Variants in FBLN1 observed in about 807,000 individuals in gnomAD.
FBLN1 encodes the protein fibulin-1.
Under a neutral mutation model 89.7 loss-of-function variants are expected in FBLN1, and 34 were observed. The observed-to-expected ratio is 0.38, with a 90% CI of 0.29 to 0.50. The LOEUF (loss-of-function observed/expected upper bound fraction) is 0.50. Ranked by LOEUF, FBLN1 falls within the 20% of genes least tolerant of loss-of-function variation. The pLI, the probability that FBLN1 is intolerant of heterozygous loss-of-function variation, is 0.92. For missense variants in FBLN1, 777 were observed against 988.1 expected, an observed-to-expected ratio of 0.79 and a Z score of 2.86; for synonymous variants, 393 against 391.3, an observed-to-expected ratio of 1.00 and a Z score of -0.05.
intron 16 of FBLN1, among the ~76,000 whole-genome samples, chr22:45,592,732 G>GTTT (rs2089149638): frequency 1.3e-5 from 2 of 152,022 alleles, no homozygotes; most frequent in African/African-American, 4.8e-5. Flanking sequence ...GCCTGGTGAT[G>GTTT]GTTTGCTTCT....
chr22:45,567,163 G>C (rs1414450819), intron 14 of FBLN1, among the ~76,000 whole-genome samples: 2 of 152,240 alleles, frequency 1.3e-5, no homozygotes, highest in Non-Finnish European at 2.9e-5. Flanking sequence ...GCAAATACGG[G>C]GGAGAGGCAG....
chr22:45,507,052 G>A (rs1335220901), intron 1 of FBLN1, among the ~76,000 whole-genome samples: 2 of 152,130 alleles, frequency 1.3e-5, no homozygotes, highest in Non-Finnish European at 2.9e-5. Context: ...TGGGAGGGGG[G>A]AACCACTGTG....
chr22:45,587,002 G>A (rs978358228), intron 16 of FBLN1, among the ~76,000 whole-genome samples: 3 of 152,130 alleles, frequency 2.0e-5, no homozygotes, highest in African/African-American at 7.2e-5. Context: ...GTGAGCTTCT[G>A]GGGGACTCCT....
intron 14 of FBLN1, among the ~76,000 whole-genome samples, chr22:45,569,806 G>T (rs2088935670): frequency 6.6e-6 from 1 of 152,124 alleles, no homozygotes; most frequent in South Asian, 2.1e-4. Flanking sequence ...CTTGATCTTG[G>T]ACTTTCAGCC....
At chr22:45,528,825 G>T (rs895992690) in intron 4 of FBLN1, among the ~76,000 whole-genome samples, 11 of 152,190 alleles carry the variant, frequency 7.2e-5, no homozygotes, top group Admixed American at 6.5e-4. Context: ...AGCCATTCAT[G>T]TTTGTGACCT....
chr22:45,541,812 G>T (rs73892712), intron 9 of FBLN1, among the ~76,000 whole-genome samples: 4 of 152,280 alleles, frequency 2.6e-5, no homozygotes, highest in African/African-American at 9.6e-5. Flanking sequence ...CTGCTCCTAC[G>T]TTCCTTTGGA....
intron 14 of FBLN1, among the ~76,000 whole-genome samples, chr22:45,553,467 T>C (rs913663691): frequency 6.6e-6 from 1 of 152,222 alleles, no homozygotes; most frequent in Non-Finnish European, 1.5e-5. Context: ...CTAGACACAC[T>C]GGCTAAAAGG....
At chr22:45,568,453 C>T (rs1186977054) in intron 14 of FBLN1, among the ~76,000 whole-genome samples, 2 of 147,334 alleles carry the variant, frequency 1.4e-5, no homozygotes. Flanking sequence ...GGGAGTGCTC[C>T]TTCTGTAGGG....
At position 45,580,316 on chromosome 22, in the gene FBLN1, C is replaced by T. The variant is rs562172529; in HGVS notation, c.1972+3208C>T. ...GCAGCCCCGTGCAGCTCTGTGCTGCCTGCAGCACACGGCAGGGAACGCCGC... is the reference window on the plus strand; with the variant it reads ...GCAGCCCCGTGCAGCTCTGTGCTGCTTGCAGCACACGGCAGGGAACGCCGC... On this transcript the variant is annotated intron_variant, in intron 16 of 16. Transcript: ENST00000327858. The surrounding 1 kb of genome is among the most constrained non-coding windows in gnomAD (Gnocchi z 8.6). Among the ~76,000 whole-genome samples the T allele has an allele frequency of 6.6e-6, 1 of 152,136 alleles. No individual in the cohort carries two copies. The highest frequency in any genetic ancestry group is 1.5e-5 in the Non-Finnish European group (1 of 68,032).
Position 45,547,195 on chromosome 22 carries a change from A to G in FBLN1, c.1432A>G (p.Thr478Ala), listed in dbSNP as rs777139607. The change falls in exon 12 of 17, where the codon ACC (threonine) becomes GCC (alanine). Residue 478 changes from threonine to alanine, a missense_variant. Transcript: ENST00000327858. ...GYQLSDVDGV[T>A]CEDIDECALP... ...CCAGCTCAGCGATGTGGATGGAGTC[A>G]CCTGTGAAGGTGCGGACGCCCCTGC... The G allele has an allele frequency of 1.9e-6, 3 of 1,613,772 alleles. No individual in the cohort carries two copies. Among genetic ancestry groups the G allele is most frequent in the Non-Finnish European group, 2.5e-6 (3 of 1,179,980 alleles).
intron 12 of FBLN1, 127 bp from the exon 13 acceptor site, chr22:45,548,486 T>C: frequency 7.8e-7 from 1 of 1,281,362 alleles, no homozygotes; most frequent in East Asian, 2.5e-5. Context: ...TGAGGCTTCC[T>C]GTGTTCAGCT....
Position 45,577,264 on chromosome 22 carries a change from C to T in FBLN1, c.1972+156C>T, listed in dbSNP as rs892198828. On this transcript the variant is annotated intron_variant, in intron 16 of 16. Coordinates refer to ENST00000327858, the MANE Select transcript of FBLN1 (RefSeq NM_006486.3). The surrounding 1 kb of genome is among the most constrained non-coding windows in gnomAD (Gnocchi z 6.6). ...CGCCGAGGCCACCACAGCTCCCAATCGGTCTCGGCCGGAGGAACAGCCAGA... is the reference window on the plus strand; with the variant it reads ...CGCCGAGGCCACCACAGCTCCCAATTGGTCTCGGCCGGAGGAACAGCCAGA... Among the ~76,000 whole-genome samples the T allele has an allele frequency of 5.9e-5, 9 of 152,242 alleles. No individual in the cohort carries two copies. In the South Asian group the frequency reaches 6.2e-4, roughly 11 times the overall value.
rs1472570112 is a variant in FBLN1 at position 45,532,588 on chromosome 22, AAGACC to A, written c.545-472_545-468del. Among the ~76,000 whole-genome samples, 1 of 152,150 alleles carries A rather than the reference AAGACC, an allele frequency of 6.6e-6. No individual in the cohort carries two copies. The highest frequency in any genetic ancestry group is 1.9e-4 in the East Asian group (1 of 5,190). ...GTGGGGTGCTTCTGGGCTATGCAGA[AAGACC>A]AGGTAGGAGGCTGTGGCCACAGCCA... On this transcript the variant is annotated intron_variant, in intron 5 of 16. Coordinates refer to ENST00000327858, the MANE Select transcript of FBLN1 (RefSeq NM_006486.3). The surrounding 1 kb of genome is among the most constrained non-coding windows in gnomAD (Gnocchi z 4.2).
At chr22:45,582,217 G>A (rs8137835) in intron 16 of FBLN1, among the ~76,000 whole-genome samples, 2,415 of 152,006 alleles carry the variant, frequency 0.016, 69 homozygotes, top group African/African-American at 0.054. Flanking sequence ...ATTTTTTCTG[G>A]TCTATACTAG....
chr22:45,560,314 C>T (rs1219548737), intron 14 of FBLN1, among the ~76,000 whole-genome samples: 1 of 152,222 alleles, frequency 6.6e-6, no homozygotes, highest in African/African-American at 2.4e-5. Flanking sequence ...AATTACAGGG[C>T]TCTTCAAAGA....
chr22:45,533,032 C>T (rs1288192434), intron 5 of FBLN1, 31 bp from the exon 6 acceptor site: 1 of 1,588,690 alleles, frequency 6.3e-7, no homozygotes, highest in South Asian at 1.1e-5. Flanking sequence ...TGGGTGCGTC[C>T]ATCCCTGGCT....
At chr22:45,587,535 C>T (rs5765512) in intron 16 of FBLN1, among the ~76,000 whole-genome samples, 77,049 of 152,024 alleles carry the variant, frequency 0.51, 20,400 homozygotes, top group East Asian at 0.67. Context: ...CTGTGCTTGT[C>T]TGCCAGTTGT....
At chr22:45,584,252 G>C (rs1376557896) in intron 16 of FBLN1, among the ~76,000 whole-genome samples, 1 of 152,184 alleles carries the variant, frequency 6.6e-6, no homozygotes, top group Non-Finnish European at 1.5e-5. Context: ...TTCCCACATT[G>C]TCTGTGCTGA....
chr22:45,517,510 G>T, intron 1 of FBLN1: 1 of 469,104 alleles, frequency 2.1e-6, no homozygotes. Context: ...AGCTCATTTG[G>T]GCCGTGGCCT....
Sources: allele counts gnomAD v4.1 joint callset (sites outside exome capture counted in the v4.1 genomes callset), GRCh38; gene constraint gnomAD v4.1.1; non-coding constraint Gnocchi (gnomAD v3.1); transcripts MANE v1.5; gene names NCBI Gene and HGNC (gene_info 2026-07-23, HGNC 2026-07-21).